CCDC77: variants seen among roughly 807,000 people sequenced by gnomAD.
CCDC77 encodes coiled-coil domain containing 77, also known as coiled-coil domain-containing protein 77.
A neutral mutation model predicts 66.8 loss-of-function variants in CCDC77; 56 were observed. That is an observed-to-expected ratio of 0.84 (90% CI 0.68 to 1.05). The LOEUF is 1.05. Among genes scored for constraint, CCDC77 ranks in the 50% least tolerant of loss-of-function variants. The pLI, the probability that CCDC77 is intolerant of heterozygous loss-of-function variation, is 0.00. For synonymous variants in CCDC77, 196 were observed against 195.2 expected, an observed-to-expected ratio of 1.00 and a Z score of -0.03; for missense variants, 570 against 576.8, an observed-to-expected ratio of 0.99 and a Z score of 0.12.
At position 428,875 on chromosome 12, in the gene CCDC77, CTT is replaced by C; in HGVS notation, c.510+12_510+13del. ...GGAGCCTCCTCACAAAGTAAGTAATCTTTGGTGTAGCATGGTGAGTGTGGCTT... is the reference window on the plus strand; with the variant it reads ...GGAGCCTCCTCACAAAGTAAGTAATCTGGTGTAGCATGGTGAGTGTGGCTT... On this transcript the variant is annotated intron_variant, in intron 6 of 12. Transcript: ENST00000239830. 1 of 1,566,622 alleles carries C rather than the reference CTT, an allele frequency of 6.4e-7. No homozygotes were observed. Among genetic ancestry groups the C allele is most frequent in the Non-Finnish European group, 8.8e-7 (1 of 1,138,590 alleles).
intron 4 of CCDC77, among the ~76,000 whole-genome samples, chr12:416,303 G>A (rs1404395440): frequency 8.4e-6 from 1 of 118,698 alleles, no homozygotes; most frequent in Non-Finnish European, 1.7e-5. Context: ...AGTGTTAAGT[G>A]TTTATGTGTG....
chr12:412,175 T>G (rs971976556), intron 4 of CCDC77, among the ~76,000 whole-genome samples, 197 bp downstream of exon 4: 2 of 152,200 alleles, frequency 1.3e-5, no homozygotes, highest in Non-Finnish European at 2.9e-5. Flanking sequence ...AATCTTAAAT[T>G]CTGACATCTC....
In CCDC77 at chr12:416,344, GGTGTGTGTGT is replaced by G. The variant is rs1174833426; in HGVS notation, c.271-2125_271-2116del. On this transcript the variant is annotated intron_variant, in intron 4 of 12. Transcript: ENST00000239830. Reference sequence around the variant, plus strand: ...GTGTGTGAGTCTGTGGGTGTGTGGGGGTGTGTGTGTGTGTGTGTGTGTGTGTGTGTGTGTA... The same window carrying G: ...GTGTGTGAGTCTGTGGGTGTGTGGGGGTGTGTGTGTGTGTGTGTGTGTGTA... 2.0e-3 allele frequency among the ~76,000 whole-genome samples: 75 copies of G among 37,064 alleles called. 2 individuals carry two copies. The highest frequency in any genetic ancestry group is 6.2e-3 in the African/African-American group (67 of 10,810). 24.3% of individuals were successfully genotyped at this position (37,064 alleles called of 152,430 possible). A position where few individuals can be genotyped will look rare whatever the true frequency, so the allele number is the denominator to read the frequency against.
At chr12:399,896 G>A (rs4486686), upstream of CCDC77, among the ~76,000 whole-genome samples, 1 of 152,326 alleles carries the variant, frequency 6.6e-6, no homozygotes, top group South Asian at 2.1e-4. Context: ...TCTGTTCTTA[G>A]AAGCTGTGAA....
chr12:441,444 C>T (rs753494736), intron 12 of CCDC77, among the ~76,000 whole-genome samples: 13 of 152,174 alleles, frequency 8.5e-5, no homozygotes, highest in Non-Finnish European at 1.9e-4. Context: ...TGCTTTCATT[C>T]TGTGACAAAC....
At chr12:406,311 G>A (rs1944989775) in intron 2 of CCDC77, among the ~76,000 whole-genome samples, 1 of 152,206 alleles carries the variant, frequency 6.6e-6, no homozygotes, top group Non-Finnish European at 1.5e-5. Context: ...TTTTAGCCCT[G>A]AAGGAGGAGA....
At chr12:399,435 G>T (rs143386824), upstream of CCDC77, among the ~76,000 whole-genome samples, 3,110 of 152,258 alleles carry the variant, frequency 0.02, 65 homozygotes, top group East Asian at 0.048. Flanking sequence ...CTCCCAAAGT[G>T]CTGGGATTAC....
intron 4 of CCDC77, among the ~76,000 whole-genome samples, chr12:415,941 G>A (rs1220328159): frequency 1.3e-5 from 2 of 151,892 alleles, no homozygotes; most frequent in African/African-American, 4.8e-5. Context: ...GAGTAGCTGG[G>A]ATTATAGGCG....
At chr12:423,485 T>TG (rs1945465701) in intron 5 of CCDC77, among the ~76,000 whole-genome samples, 1 of 32,160 alleles carries the variant, frequency 3.1e-5, no homozygotes, top group African/African-American at 1.4e-4. Context: ...TTGTGTTTTT[T>TG]TTTGTTTTGT....
rs1591998425 is a variant in CCDC77, at chr12:441,791, G to A, written c.1338G>A (p.Arg446=). 2 of 1,612,564 alleles carry A rather than the reference G, an allele frequency of 1.2e-6. No homozygotes were observed. Among genetic ancestry groups the A allele is most frequent in the African/African-American group, 1.3e-5 (1 of 74,620 alleles). ...ACCCCTAGGCAACAGTTAATGCCCGGGCAAACCAGGATCTTGCCCTTCTGT... is the reference window on the plus strand; with the variant it reads ...ACCCCTAGGCAACAGTTAATGCCCGAGCAAACCAGGATCTTGCCCTTCTGT... ...QMLYKATVNA[R]ANQDLALLCE... Residue 446 remains arginine (R), a synonymous_variant, in exon 13 of 13, where the codon CGG becomes CGA. Transcript: ENST00000239830.
chr12:400,331 T>A (rs1424885030), upstream of CCDC77, among the ~76,000 whole-genome samples: 3 of 152,230 alleles, frequency 2.0e-5, no homozygotes, highest in African/African-American at 7.2e-5. Flanking sequence ...CATTTTTGTG[T>A]TTACTGGAGT....
intron 4 of CCDC77, 80 bp downstream of exon 4, chr12:412,058 T>C: frequency 9.8e-6 from 10 of 1,015,938 alleles, no homozygotes; most frequent in Non-Finnish European, 1.5e-5. Flanking sequence ...CCAGTTTATA[T>C]CAGAAGCAGA....
chr12:395,021 G>A (rs887987979), intron 1 of CCDC77: 1 of 152,186 alleles, frequency 6.6e-6, no homozygotes, highest in Non-Finnish European at 1.5e-5. Context: ...TTAAAGTGGA[G>A]AAAGTAAGGG....
chr12:438,270 T>C, intron 9 of CCDC77, 65 bp from the exon 10 acceptor site: 1 of 1,109,360 alleles, frequency 9.0e-7, no homozygotes, highest in South Asian at 1.5e-5. Context: ...CATTTTGGAA[T>C]AATCCTTGCT....
intron 4 of CCDC77, among the ~76,000 whole-genome samples, chr12:415,361 ATGTTAATATAATCAACATAATATTATG>A (rs1945215306): frequency 3.1e-5 from 4 of 130,012 alleles, no homozygotes; most frequent in Non-Finnish European, 6.4e-5. Flanking sequence ...ACATAATATT[ATGTTAATATAATCAACATAATATTATG>A]TTAATATAAT....
At chr12:392,960 G>C (rs544869933) in intron 1 of CCDC77, among the ~76,000 whole-genome samples, 1 of 150,794 alleles carries the variant, frequency 6.6e-6, no homozygotes, top group South Asian at 2.1e-4. Context: ...TACATTTTTT[G>C]TACTTTTTTT....
chr12:415,298 T>TTAA lies in CCDC77; in HGVS notation c.271-3196_271-3195insTAA, dbSNP rs1565567774. On this transcript the variant is annotated intron_variant, in intron 4 of 12. Coordinates refer to ENST00000239830, the MANE Select transcript of CCDC77 (RefSeq NM_032358.4). Reference sequence around the variant, plus strand: ...TTAACATAATATTATGTTAATATAATCAACATAATATTATGTTAATATAAT... The same window carrying TTAA: ...TTAACATAATATTATGTTAATATAATTAACAACATAATATTATGTTAATATAAT... 1.2e-3 allele frequency among the ~76,000 whole-genome samples: 166 copies of TTAA among 136,560 alleles called. 8 individuals are homozygous for TTAA. Among genetic ancestry groups the TTAA allele is most frequent in the Non-Finnish European group, 1.9e-3 (127 of 65,198 alleles). The allele number at this position is 136,560 out of a possible 152,430, so 89.6% of individuals were successfully genotyped here.
rs559482055 is a variant in CCDC77 at position 393,721 on chromosome 12, G to A, written c.-113+4235G>A. ...TAATTTTTGTATTTTTAGTAGAGAC[G>A]GAGTTTTGCCATTTTGGCCAGGCTG... On this transcript the variant is annotated intron_variant, in intron 1 of 11. Coordinates refer to the CCDC77 transcript ENST00000422000. Among the ~76,000 whole-genome samples the A allele has an allele frequency of 6.0e-3, 917 of 152,154 alleles. 9 individuals carry two copies. The highest frequency in any genetic ancestry group is 1.0e-2 in the Non-Finnish European group (678 of 68,008).
In CCDC77 at chr12:440,829, A is replaced by G; in HGVS notation, c.1168-15A>G. The G allele has an allele frequency of 6.2e-7, 1 of 1,613,266 alleles. No individual in the cohort carries two copies. The highest frequency in any genetic ancestry group is 1.3e-5 in the African/African-American group (1 of 75,050). On this transcript the variant is annotated splice_polypyrimidine_tract_variant and intron_variant, in intron 11 of 12. Transcript: ENST00000239830. ...CCCTCACCTTCGTAAATGCCTTCCC[A>G]TTCCCCATATTTAGGATCGCACTAA... is the stretch of plus-strand genomic sequence containing the variant.
Sources: gnomAD v4.1 joint callset for allele counts (sites outside exome capture counted in the v4.1 genomes callset) on GRCh38, gnomAD v4.1.1 for gene constraint, MANE v1.5 for transcripts, NCBI Gene and HGNC (gene_info 2026-07-23, HGNC 2026-07-21) for gene names.